Variants in MAPT observed in about 807,000 individuals in gnomAD.
The protein encoded by MAPT is microtubule-associated protein tau.
In MAPT, 34 loss-of-function variants were observed where a neutral mutation model predicts 67.9. The observed-to-expected ratio is 0.50, with a 90% CI of 0.38 to 0.67. The LOEUF (loss-of-function observed/expected upper bound fraction) is 0.67. Among genes scored for constraint, MAPT ranks in the 30% least tolerant of loss-of-function variants. The pLI is 0.00. For missense variants in MAPT, 881 were observed against 1,115.2 expected, an observed-to-expected ratio of 0.79 and a Z score of 2.99; for synonymous variants, 456 against 464.5, an observed-to-expected ratio of 0.98 and a Z score of 0.23.
chr17:45,920,260 C>T (rs956332764), intron 1 of MAPT, among the ~76,000 whole-genome samples: 18 of 152,192 alleles, frequency 1.2e-4, no homozygotes, highest in African/African-American at 4.3e-4. Flanking sequence ...GGCTGGTGCT[C>T]GGCAATGTTG....
chr17:45,984,005 G>C, intron 5 of MAPT, 75 bp downstream of exon 5: 2 of 1,290,436 alleles, frequency 1.5e-6, no homozygotes. Flanking sequence ...CTGCCACTGA[G>C]CTTCCAGGCC....
intron 8 of MAPT, among the ~76,000 whole-genome samples, chr17:45,991,814 C>T (rs62063799): frequency 6.8e-6 from 1 of 147,980 alleles, no homozygotes; most frequent in Non-Finnish European, 1.5e-5. Flanking sequence ...GACAGAGTTT[C>T]GCTTTTGTTA....
At chr17:45,938,222 T>C (rs1388733124) in intron 1 of MAPT, among the ~76,000 whole-genome samples, 1 of 152,226 alleles carries the variant, frequency 6.6e-6, no homozygotes, top group Non-Finnish European at 1.5e-5. Flanking sequence ...AAATCAAGGT[T>C]TTGGCAAGGT....
At chr17:45,987,872 G>A (rs575791580) in intron 6 of MAPT, among the ~76,000 whole-genome samples, 1 of 152,196 alleles carries the variant, frequency 6.6e-6, no homozygotes, top group Non-Finnish European at 1.5e-5. Context: ...ACAGCTGCTT[G>A]TCAATCACGG....
At position 45,897,679 on chromosome 17, in the gene MAPT, A is replaced by AC. The variant is rs1227744621; in HGVS notation, c.-18+2997dup. ...GGAGCTCTTACATTCCGAGCGAGTGACCCCTCTCACCCTCTGGCGCTCACA... is the reference window on the plus strand; with the variant it reads ...GGAGCTCTTACATTCCGAGCGAGTGACCCCCTCTCACCCTCTGGCGCTCACA... On this transcript the variant is annotated intron_variant, in intron 1 of 12. Transcript: ENST00000262410. The surrounding 1 kb of genome is among the most constrained non-coding windows in gnomAD (Gnocchi z 5.0). 6.6e-6 allele frequency: 1 copy of AC among 151,850 alleles called. No individual in the cohort carries two copies. The highest frequency in any genetic ancestry group is 6.6e-5 in the Admixed American group (1 of 15,244). 9.4% of individuals were successfully genotyped at this position (151,850 alleles called of 1,614,324 possible).
At chr17:45,963,788 C>T (rs1471957645) in intron 2 of MAPT, among the ~76,000 whole-genome samples, 1 of 152,096 alleles carries the variant, frequency 6.6e-6, no homozygotes. Flanking sequence ...CTGGGACCAC[C>T]AGCTTTCTCG....
intron 9 of MAPT, among the ~76,000 whole-genome samples, chr17:45,997,418 CCT>C (rs2145844884): frequency 6.6e-6 from 1 of 152,310 alleles, no homozygotes; most frequent in Admixed American, 6.5e-5. Context: ...TGCAGTCTTC[CCT>C]CTGTGTGTGC....
chr17:45,991,484 G>A lies in MAPT; in HGVS notation c.1630G>A (p.Ala544Thr), dbSNP rs143624519. ...GGGGGCTGATGGTAAAACGAAGATCGCCACACCGCGGGGAGCAGCCCCTCC... is the reference window on the plus strand; with the variant it reads ...GGGGGCTGATGGTAAAACGAAGATCACCACACCGCGGGGAGCAGCCCCTCC... Reference protein sequence around the residue: ...LKGADGKTKIATPRGAAPPGQ... With the variant: ...LKGADGKTKITTPRGAAPPGQ... Residue 544 changes from alanine to threonine, a missense_variant, in exon 8 of 13, where the codon GCC becomes ACC. By Grantham distance (58) the Ala-to-Thr change is moderately conservative. This residue lies in a region of MAPT where 687 missense variants were observed against 766.1 expected (regional missense o/e 0.90). Coordinates refer to ENST00000262410, the MANE Select transcript of MAPT (RefSeq NM_001377265.1). The A allele has an allele frequency of 2.7e-3, 4,301 of 1,614,188 alleles. 11 individuals carry two copies. The highest frequency in any genetic ancestry group is 3.2e-3 in the Non-Finnish European group (3,823 of 1,180,030).
At chr17:45,959,793 T>A (rs2070183081) in intron 1 of MAPT, among the ~76,000 whole-genome samples, 2 of 151,728 alleles carry the variant, frequency 1.3e-5, no homozygotes, top group African/African-American at 2.4e-5. Context: ...AAAAAAAAAA[T>A]TATGGACAAA....
chr17:46,023,305 G>A (rs1018992042), intron 12 of MAPT, among the ~76,000 whole-genome samples: 8 of 152,168 alleles, frequency 5.3e-5, no homozygotes, highest in East Asian at 1.9e-4. Flanking sequence ...CACTAAAGGC[G>A]GGAGCAGCCT....
chr17:45,957,328 T>G (rs1051242446), intron 1 of MAPT, among the ~76,000 whole-genome samples: 5 of 152,248 alleles, frequency 3.3e-5, no homozygotes, highest in African/African-American at 1.2e-4. Flanking sequence ...TGGTTTTGAT[T>G]TGCATTTCTC....
rs542125807 is a variant in MAPT at position 45,946,832 on chromosome 17, A to G, written c.-17-15489A>G. On this transcript the variant is annotated intron_variant, in intron 1 of 12. Coordinates refer to ENST00000262410, the MANE Select transcript of MAPT (RefSeq NM_001377265.1). ...AACCAAAATTGTCCTCTCAGACACAATCTGGGAATTTTCTCATGACAGTGG... is the reference window on the plus strand; with the variant it reads ...AACCAAAATTGTCCTCTCAGACACAGTCTGGGAATTTTCTCATGACAGTGG... Among the ~76,000 whole-genome samples, 30 of 152,014 alleles carry G rather than the reference A, an allele frequency of 2.0e-4. No individual in the cohort carries two copies. In the South Asian group the frequency reaches 5.4e-3, roughly 27 times the overall value.
chr17:45,991,120 G>A (rs911372101), intron 7 of MAPT, among the ~76,000 whole-genome samples: 1 of 152,244 alleles, frequency 6.6e-6, no homozygotes, highest in African/African-American at 2.4e-5. Flanking sequence ...TATGTGTAGT[G>A]CACTAATGTC....
intron 1 of MAPT, among the ~76,000 whole-genome samples, chr17:45,941,680 C>CCTTCCTTCCTGCCT (rs2067928765): frequency 2.1e-5 from 1 of 47,276 alleles, no homozygotes. Flanking sequence ...CCCCCCTTCC[C>CCTTCCTTCCTGCCT]TCCTTCCTTC....
chr17:46,022,843 T>C (rs1555725194), intron 12 of MAPT, among the ~76,000 whole-genome samples: 1 of 152,184 alleles, frequency 6.6e-6, no homozygotes, highest in East Asian at 1.9e-4. Flanking sequence ...GGTGGGAAGA[T>C]TGCTTGAGCC....
intron 9 of MAPT, among the ~76,000 whole-genome samples, chr17:46,003,036 A>G (rs1013301099): frequency 3.9e-5 from 6 of 151,960 alleles, no homozygotes; most frequent in Admixed American, 3.9e-4. Flanking sequence ...CTCCTGCCTC[A>G]GCCTCGCAAA....
intron 7 of MAPT, 30 bp downstream of exon 7, chr17:45,990,105 G>A (rs938808330): frequency 6.2e-7 from 1 of 1,602,858 alleles, no homozygotes; most frequent in East Asian, 2.2e-5. Context: ...AAAGAACCAG[G>A]CTGCTCTGCT....
intron 9 of MAPT, among the ~76,000 whole-genome samples, chr17:46,004,693 C>G (rs1262695942): frequency 1.3e-5 from 2 of 152,266 alleles, no homozygotes; most frequent in Middle Eastern, 3.4e-3. Flanking sequence ...ACCCTTGTGT[C>G]TATTGTAAAA....
rs1185645453 is a variant in MAPT at position 45,941,701 on chromosome 17, G to GCCTGCCTTCCTT, written c.-17-20616_-17-20605dup. Among the ~76,000 whole-genome samples, 10 of 73,466 alleles carry GCCTGCCTTCCTT rather than the reference G, an allele frequency of 1.4e-4. 2 individuals carry two copies. Among genetic ancestry groups the GCCTGCCTTCCTT allele is most frequent in the Admixed American group, 4.8e-4 (3 of 6,308 alleles). The allele number at this position is 73,466 out of a possible 152,430, so 48.2% of individuals were successfully genotyped here. On this transcript the variant is annotated intron_variant, in intron 1 of 12. Transcript: ENST00000262410. ...TTCCCTCCTTCCTTCCTTCCTTCCTGCCTGCCTTCCTTCCTTCCTTCCTTC... is the reference window on the plus strand; with the variant it reads ...TTCCCTCCTTCCTTCCTTCCTTCCTGCCTGCCTTCCTTCCTGCCTTCCTTCCTTCCTTCCTTC...
Sources: allele counts gnomAD v4.1 joint callset (sites outside exome capture counted in the v4.1 genomes callset), GRCh38; gene constraint gnomAD v4.1.1; regional missense constraint gnomAD v4.1.1; non-coding constraint Gnocchi (gnomAD v3.1); transcripts MANE v1.5; gene names NCBI Gene and HGNC (gene_info 2026-07-23, HGNC 2026-07-21).